Variants in ZHX2 observed in about 807,000 individuals in gnomAD.
ZHX2 encodes the protein zinc fingers and homeoboxes protein 2.
In ZHX2, 6 loss-of-function variants were observed where a neutral mutation model predicts 21.9. The ratio of observed to expected loss-of-function variants is 0.27; its 90% CI spans 0.15 to 0.54. ZHX2 has a LOEUF of 0.54. Ranked by LOEUF, ZHX2 falls within the 20% of genes least tolerant of loss-of-function variation. The probability of loss-of-function intolerance (pLI) is 0.95; values close to 1 mark genes in which losing one functional copy is unlikely to be tolerated. For synonymous variants in ZHX2, 434 were observed against 437.1 expected (o/e 0.99, Z 0.09); for missense variants, 908 against 1,090.7 (o/e 0.83, Z 2.36).
intron 2 of ZHX2, among the ~76,000 whole-genome samples, chr8:122,925,443 A>G (rs1053313468): frequency 6.6e-6 from 1 of 152,158 alleles, no homozygotes; most frequent in Non-Finnish European, 1.5e-5. Context: ...TGAGCTCTTG[A>G]CCCACTAGGG....
At chr8:122,946,785 T>G (rs950455607) in intron 2 of ZHX2, among the ~76,000 whole-genome samples, 1 of 152,046 alleles carries the variant, frequency 6.6e-6, no homozygotes, top group Non-Finnish European at 1.5e-5. Flanking sequence ...TTAATAGTAC[T>G]CCCCACAGAA....
chr8:122,822,070 G>A (rs145349927), intron 1 of ZHX2, among the ~76,000 whole-genome samples: 1 of 152,152 alleles, frequency 6.6e-6, no homozygotes. Flanking sequence ...AGGCCCAACA[G>A]TAAGGGGACT....
At chr8:122,816,830 T>G (rs901768004) in intron 1 of ZHX2, among the ~76,000 whole-genome samples, 7 of 152,184 alleles carry the variant, frequency 4.6e-5, no homozygotes, top group Non-Finnish European at 7.3e-5. Context: ...CAGACTGGGC[T>G]AACAGCTGTA....
At chr8:122,784,729 C>T (rs1345436029) in intron 1 of ZHX2, among the ~76,000 whole-genome samples, 1 of 152,196 alleles carries the variant, frequency 6.6e-6, no homozygotes. Context: ...TATGACTAGA[C>T]TATTTTGTCT....
chr8:122,863,489 C>T lies in ZHX2; in HGVS notation c.-270C>T, dbSNP rs917183046. The T allele has an allele frequency of 1.3e-5, 2 of 152,588 alleles. No individual in the cohort carries two copies. Among genetic ancestry groups the T allele is most frequent in the Non-Finnish European group, 2.9e-5 (2 of 68,078 alleles). 9.5% of individuals were successfully genotyped at this position (152,588 alleles called of 1,614,324 possible). Reference sequence around the variant, plus strand: ...CTGTCCCCTGTAGGTCTGGATGTACCGACTGCTTTTGGAATAAAAAGATTC... The same window carrying T: ...CTGTCCCCTGTAGGTCTGGATGTACTGACTGCTTTTGGAATAAAAAGATTC... On this transcript the variant is annotated 5_prime_UTR_variant, in exon 2 of 4. It introduces an in-frame stop codon into an upstream open reading frame of the 5' UTR. Transcript: ENST00000314393.
At chr8:122,858,950 T>G (rs186046952) in intron 1 of ZHX2, among the ~76,000 whole-genome samples, 1 of 152,238 alleles carries the variant, frequency 6.6e-6, no homozygotes, top group Non-Finnish European at 1.5e-5. Context: ...CCAATTCAGG[T>G]TAACTCCTAA....
At chr8:122,916,193 T>C (rs2130046042) in intron 2 of ZHX2, among the ~76,000 whole-genome samples, 1 of 152,314 alleles carries the variant, frequency 6.6e-6, no homozygotes, top group East Asian at 1.9e-4. Flanking sequence ...GGCCCGGATT[T>C]CCTCCTTCCC....
At chr8:122,929,618 G>A (rs182557272) in intron 2 of ZHX2, among the ~76,000 whole-genome samples, 5 of 151,414 alleles carry the variant, frequency 3.3e-5, no homozygotes, top group Admixed American at 6.6e-5. Flanking sequence ...GCTCCAGCCT[G>A]GGTGACAGCG....
chr8:122,814,696 A>G (rs183809207), intron 1 of ZHX2, among the ~76,000 whole-genome samples: 1 of 152,314 alleles, frequency 6.6e-6, no homozygotes, highest in East Asian at 1.9e-4. Context: ...GAAAGGAGGT[A>G]TTGGGGTGTC....
intron 1 of ZHX2, among the ~76,000 whole-genome samples, chr8:122,805,652 CTG>C (rs34843557): frequency 0.045 from 6,906 of 152,308 alleles, 200 homozygotes; most frequent in South Asian, 0.071. Flanking sequence ...ATAAGAGCTT[CTG>C]TCCTAATAGA....
intron 2 of ZHX2, among the ~76,000 whole-genome samples, chr8:122,914,820 C>T (rs962039435): frequency 6.6e-6 from 1 of 152,176 alleles, no homozygotes; most frequent in Non-Finnish European, 1.5e-5. Flanking sequence ...GTAATTGAGT[C>T]GTTCCTAGAG....
In ZHX2 at chr8:122,952,233, C is replaced by G. The variant is rs772287313; in HGVS notation, c.723C>G (p.His241Gln). 4 of 1,613,960 alleles carry G rather than the reference C, an allele frequency of 2.5e-6. No homozygotes were observed. The highest frequency in any genetic ancestry group is 3.4e-6 in the Non-Finnish European group (4 of 1,180,010). The change falls in exon 3 of 4, where the codon CAC (histidine) becomes CAG (glutamine). Residue 241 changes from histidine to glutamine, a missense_variant. Physicochemically the swap from His to Gln is conservative, Grantham distance 24 (BLOSUM62 0). Transcript: ENST00000314393. This position sits in a 1 kb window ranked among gnomAD's most constrained non-coding sequence, Gnocchi z 6.9. ...AGCTCCTCCAAGACACATTAGGACA[C>G]GTCATGCCTTCTGTACAGCTGCCAC... ...GVELLQDTLG[H>Q]VMPSVQLPPN...
intron 2 of ZHX2, among the ~76,000 whole-genome samples, chr8:122,897,856 G>A (rs568554684): frequency 6.6e-6 from 1 of 152,308 alleles, no homozygotes; most frequent in South Asian, 2.1e-4. Context: ...TGTCAGGACA[G>A]CTTTGTTCTT....
intron 1 of ZHX2, among the ~76,000 whole-genome samples, chr8:122,806,670 G>A (rs111732311): frequency 1.3e-5 from 2 of 152,224 alleles, no homozygotes; most frequent in African/African-American, 4.8e-5. Context: ...AGGTCAAGAC[G>A]AAGGGTGGCC....
At chr8:122,935,826 C>T (rs1812670783) in intron 2 of ZHX2, among the ~76,000 whole-genome samples, 2 of 152,158 alleles carry the variant, frequency 1.3e-5, no homozygotes, top group Admixed American at 6.6e-5. Context: ...TGAGCCACCA[C>T]GCCCGGCCGA....
At chr8:122,874,318 A>C (rs1819514683) in intron 2 of ZHX2, among the ~76,000 whole-genome samples, 1 of 152,186 alleles carries the variant, frequency 6.6e-6, no homozygotes, top group African/African-American at 2.4e-5. Context: ...GCACTCACTC[A>C]ATACCATTTG....
intron 3 of ZHX2, among the ~76,000 whole-genome samples, chr8:122,965,977 A>G (rs543529201): frequency 5.3e-4 from 81 of 152,144 alleles, no homozygotes; most frequent in Non-Finnish European, 9.4e-4. Context: ...AGTCCTGCCC[A>G]CTTTTGGTTT....
chr8:122,949,310 C>T lies in ZHX2; in HGVS notation c.-219-1982C>T, dbSNP rs566176351. Among the ~76,000 whole-genome samples, 4 of 151,072 alleles carry T rather than the reference C, an allele frequency of 2.6e-5. No homozygotes were observed. The South Asian group carries it at 8.4e-4, about 32-fold the overall frequency. ...TATACTCCAGCCTGGGCCACAAGAGCAAAACTCTATCTGAAAAGAAAAAAA... is the reference window on the plus strand; with the variant it reads ...TATACTCCAGCCTGGGCCACAAGAGTAAAACTCTATCTGAAAAGAAAAAAA... On this transcript the variant is annotated intron_variant, in intron 2 of 3. Coordinates refer to ENST00000314393, the MANE Select transcript of ZHX2 (RefSeq NM_014943.5).
chr8:122,956,661 G>A (rs1222954728), intron 3 of ZHX2, among the ~76,000 whole-genome samples: 1 of 152,228 alleles, frequency 6.6e-6, no homozygotes, highest in East Asian at 1.9e-4. Flanking sequence ...TTTGGGTTCG[G>A]TAAAGGATAA....
Sources: gnomAD v4.1 joint callset for allele counts (sites outside exome capture counted in the v4.1 genomes callset) on GRCh38, gnomAD v4.1.1 for gene constraint, Gnocchi (gnomAD v3.1) non-coding constraint, MANE v1.5 for transcripts, NCBI Gene and HGNC (gene_info 2026-07-23, HGNC 2026-07-21) for gene names.